The following TLK2 variants were observed in gnomAD, a reference collection of about 807,000 sequenced individuals.
The protein encoded by TLK2 is serine/threonine-protein kinase tousled-like 2.
A neutral mutation model predicts 117.3 loss-of-function variants in TLK2; 6 were observed. The ratio of observed to expected loss-of-function variants is 0.05; its 90% CI spans 0.03 to 0.10. TLK2 has a LOEUF of 0.10. TLK2 is among the 10% of genes least tolerant of loss of function. The probability of loss-of-function intolerance (pLI) is 1.00; values close to 1 mark genes in which losing one functional copy is unlikely to be tolerated. For synonymous variants in TLK2, 257 were observed against 316.7 expected, an observed-to-expected ratio of 0.81 and a Z score of 2.00; for missense variants, 299 against 901.2, an observed-to-expected ratio of 0.33 and a Z score of 8.56.
At chr17:62,516,439 T>C (rs2075596549) in intron 2 of TLK2, 6 of 1,591,606 alleles carry the variant, frequency 3.8e-6, no homozygotes, top group Non-Finnish European at 5.1e-6. Flanking sequence ...ACTCCTCATA[T>C]ACAGACCTTT....
Position 62,612,463 on chromosome 17 carries a change from C to A in TLK2, c.2151C>A (p.Pro717=), listed in dbSNP as rs767703650. ...RIDVQQLACD[P]YLLPHIRKSV... is the part of the protein sequence containing the mutation. ...ATGTCCAGCAGCTGGCCTGTGATCC[C>A]TACTTGTTGCCTCACATCCGAAAGT... Residue 717 remains proline, a synonymous_variant, in exon 22 of 22, where the codon CCC becomes CCA. Coordinates refer to ENST00000346027, the MANE Select transcript of TLK2 (RefSeq NM_006852.6). The A allele has an allele frequency of 6.2e-7, 1 of 1,614,188 alleles. No homozygotes were observed. Among genetic ancestry groups the A allele is most frequent in the Non-Finnish European group, 8.5e-7 (1 of 1,180,030 alleles).
At chr17:62,475,994 T>C (rs183249847), upstream of TLK2, among the ~76,000 whole-genome samples, 165 of 151,298 alleles carry the variant, frequency 1.1e-3, 2 homozygotes, top group African/African-American at 3.7e-3. Flanking sequence ...ATCATTATTT[T>C]TGAGACAGGG....
chr17:62,544,513 T>C (rs538107721), intron 7 of TLK2, among the ~76,000 whole-genome samples: 7 of 152,122 alleles, frequency 4.6e-5, no homozygotes, highest in East Asian at 1.9e-4. Flanking sequence ...TCCCCTGACA[T>C]ATGAGGAGTA....
At chr17:62,485,965 T>C (rs2072313808) in intron 2 of TLK2, among the ~76,000 whole-genome samples, 1 of 150,022 alleles carries the variant, frequency 6.7e-6, no homozygotes, top group Non-Finnish European at 1.5e-5. Context: ...GGACTGCAGG[T>C]GCCTGCCACC....
intron 10 of TLK2, 166 bp downstream of exon 10, chr17:62,560,292 A>C: frequency 2.3e-6 from 1 of 430,182 alleles, no homozygotes; most frequent in Non-Finnish European, 4.2e-6. Flanking sequence ...CAGACCAACC[A>C]TCCAGAGTGT....
At chr17:62,543,655 C>A (rs2077702554) in intron 7 of TLK2, among the ~76,000 whole-genome samples, 2 of 152,150 alleles carry the variant, frequency 1.3e-5, no homozygotes, top group South Asian at 4.1e-4. Flanking sequence ...GATCACTATT[C>A]AAATCCTTTA....
At chr17:62,504,075 C>T (rs563547493) in intron 2 of TLK2, among the ~76,000 whole-genome samples, 1 of 152,180 alleles carries the variant, frequency 6.6e-6, no homozygotes, top group South Asian at 2.1e-4. Flanking sequence ...TAATTTGGCC[C>T]CTATGGGTGG....
At chr17:62,611,932 T>C (rs1284025118) in intron 21 of TLK2, 1 of 152,938 alleles carries the variant, frequency 6.5e-6, no homozygotes, top group African/African-American at 2.4e-5. Context: ...CACATCATAG[T>C]GTTAGTCGTT....
intron 2 of TLK2, among the ~76,000 whole-genome samples, chr17:62,495,099 G>A (rs1269854109): frequency 6.6e-6 from 1 of 151,902 alleles, no homozygotes; most frequent in African/African-American, 2.4e-5. Context: ...CCCGGGAGGC[G>A]GAGGTTGCTG....
chr17:62,605,124 G>A (rs1173435994), intron 19 of TLK2, among the ~76,000 whole-genome samples: 1 of 151,772 alleles, frequency 6.6e-6, no homozygotes, highest in African/African-American at 2.4e-5. Context: ...TCAGGAAATC[G>A]AGACCATCCT....
At chr17:62,538,390 G>T (rs2077267313) in intron 7 of TLK2, among the ~76,000 whole-genome samples, 1 of 152,052 alleles carries the variant, frequency 6.6e-6, no homozygotes, top group East Asian at 1.9e-4. Context: ...TGGATAATTA[G>T]GGAGTTATTT....
intron 16 of TLK2, among the ~76,000 whole-genome samples, chr17:62,589,258 G>A (rs772144511): frequency 2.0e-5 from 3 of 152,030 alleles, no homozygotes; most frequent in Admixed American, 1.3e-4. Context: ...AAATTCTGCC[G>A]TAGGAAAAAT....
chr17:62,527,935 G>T (rs1433101517), intron 6 of TLK2, among the ~76,000 whole-genome samples: 2 of 151,998 alleles, frequency 1.3e-5, no homozygotes, highest in African/African-American at 4.8e-5. Flanking sequence ...TAGAGACGGG[G>T]TTTCACCATG....
intron 6 of TLK2, 35 bp from the exon 7 acceptor site, chr17:62,536,135 T>G (rs374867952): frequency 6.3e-7 from 1 of 1,596,640 alleles, no homozygotes; most frequent in Non-Finnish European, 8.6e-7. Flanking sequence ...ATTATCTTTC[T>G]CATGTCATTT....
intron 11 of TLK2, among the ~76,000 whole-genome samples, chr17:62,572,472 T>C (rs1341989339): frequency 6.6e-6 from 1 of 152,116 alleles, no homozygotes; most frequent in African/African-American, 2.4e-5. Flanking sequence ...AACTAGTTAA[T>C]CACAGAAAAA....
At chr17:62,562,850 T>A (rs1321517539) in intron 10 of TLK2, among the ~76,000 whole-genome samples, 2 of 152,188 alleles carry the variant, frequency 1.3e-5, no homozygotes, top group Non-Finnish European at 2.9e-5. Context: ...CCGGGCATGG[T>A]GACTCACACC....
chr17:62,564,276 G>A (rs1174511568), intron 10 of TLK2, among the ~76,000 whole-genome samples: 4 of 152,042 alleles, frequency 2.6e-5, no homozygotes, highest in African/African-American at 9.7e-5. Context: ...GGTGGCTCAC[G>A]CCTGTAATCT....
At chr17:62,474,754 T>C (rs1386700834), upstream of TLK2, among the ~76,000 whole-genome samples, 2 of 151,786 alleles carry the variant, frequency 1.3e-5, no homozygotes, top group Non-Finnish European at 2.9e-5. Flanking sequence ...CTCCAACTCC[T>C]GGGGTCAAGT....
intron 2 of TLK2, among the ~76,000 whole-genome samples, chr17:62,508,174 T>TTTC (rs1426059687): frequency 1.3e-5 from 2 of 149,540 alleles, no homozygotes; most frequent in East Asian, 1.9e-4. Context: ...CCTAGTTTTT[T>TTTC]TTTTTTTTTT....
Sources: allele counts gnomAD v4.1 joint callset (sites outside exome capture counted in the v4.1 genomes callset), GRCh38; gene constraint gnomAD v4.1.1; transcripts MANE v1.5; gene names NCBI Gene and HGNC (gene_info 2026-07-23, HGNC 2026-07-21).